The following POFUT3 variants were observed in gnomAD, a reference collection of about 807,000 sequenced individuals.
POFUT3 encodes the protein protein O-fucosyltransferase 3, also known as GDP-fucose protein O-fucosyltransferase 3.
At chr8:33,312,002 C>T in the POFUT3 span, among the ~76,000 whole-genome samples, 1 of 152,146 alleles carries the variant, frequency 6.6e-6, no homozygotes, top group Admixed American at 6.6e-5. Flanking sequence ...CATGGTCACA[C>T]TCGTAATCCT....
the POFUT3 span, among the ~76,000 whole-genome samples, chr8:33,434,073 C>T: frequency 3.7e-4 from 56 of 151,942 alleles, 1 homozygote; most frequent in South Asian, 0.01. Flanking sequence ...ACCAGCCTGG[C>T]CAACATGGTG....
chr8:33,308,876 G>C, the POFUT3 span, among the ~76,000 whole-genome samples: 3 of 150,626 alleles, frequency 2.0e-5, no homozygotes, highest in Non-Finnish European at 4.5e-5. Flanking sequence ...CTGGAGCCCA[G>C]GCTGTTGCTT....
chr8:33,342,781 G>A, the POFUT3 span, among the ~76,000 whole-genome samples: 1 of 152,110 alleles, frequency 6.6e-6, no homozygotes, highest in Non-Finnish European at 1.5e-5. Flanking sequence ...GTTACCGTAT[G>A]ACTCAGCAAT....
chr8:33,350,716 A>T, the POFUT3 span, among the ~76,000 whole-genome samples: 1 of 152,260 alleles, frequency 6.6e-6, no homozygotes, highest in African/African-American at 2.4e-5. Flanking sequence ...GATCATATAT[A>T]TATTTGCATC....
chr8:33,428,078 C>T, the POFUT3 span, among the ~76,000 whole-genome samples: 1 of 152,178 alleles, frequency 6.6e-6, no homozygotes, highest in South Asian at 2.1e-4. Context: ...GAGCCAAGAT[C>T]GCAACAGTGC....
chr8:33,388,878 G>A, the POFUT3 span: 1 of 1,044,566 alleles, frequency 9.6e-7, no homozygotes, highest in Non-Finnish European at 1.5e-6. Context: ...CTGATGAGGT[G>A]GCAACAACAG....
At chr8:33,462,503 A>G in the POFUT3 span, among the ~76,000 whole-genome samples, 1 of 152,212 alleles carries the variant, frequency 6.6e-6, no homozygotes, top group African/African-American at 2.4e-5. Context: ...GGAATTCTGA[A>G]TATGATTTAT....
the POFUT3 span, chr8:33,372,759 A>C: frequency 6.2e-7 from 1 of 1,614,086 alleles, no homozygotes; most frequent in East Asian, 2.2e-5. Flanking sequence ...GGCTCTGGGC[A>C]ACTCAGGTGG....
chr8:33,439,043 C>T, the POFUT3 span, among the ~76,000 whole-genome samples: 1 of 152,202 alleles, frequency 6.6e-6, no homozygotes. Flanking sequence ...CATCTCAAAG[C>T]TACCACTTCC....
At chr8:33,398,877 G>C in the POFUT3 span, among the ~76,000 whole-genome samples, 1 of 152,100 alleles carries the variant, frequency 6.6e-6, no homozygotes, top group East Asian at 1.9e-4. Context: ...AGGGCTATGG[G>C]CCTTCTTATG....
At chr8:33,308,877 G>C in the POFUT3 span, among the ~76,000 whole-genome samples, 1 of 150,552 alleles carries the variant, frequency 6.6e-6, no homozygotes, top group African/African-American at 2.4e-5. Flanking sequence ...TGGAGCCCAG[G>C]CTGTTGCTTC....
At chr8:33,462,169 GACC>G in the POFUT3 span, among the ~76,000 whole-genome samples, 1 of 6,052 alleles carries the variant, frequency 1.7e-4, no homozygotes, top group Admixed American at 2.4e-3. Context: ...AAGGGGAAGG[GACC>G]AGAGTGGTGA....
chr8:33,431,504 A>G, the POFUT3 span, among the ~76,000 whole-genome samples: 22 of 128,810 alleles, frequency 1.7e-4, no homozygotes, highest in Admixed American at 2.1e-3. Flanking sequence ...GCTGAGACTG[A>G]GCCCCTGGAC....
At chr8:33,342,388 G>A in the POFUT3 span, among the ~76,000 whole-genome samples, 4 of 150,982 alleles carry the variant, frequency 2.6e-5, no homozygotes, top group Admixed American at 2.0e-4. Context: ...CAAATCTGTA[G>A]CAAGACTGAC....
chr8:33,337,268 T>A, the POFUT3 span, among the ~76,000 whole-genome samples: 1 of 152,224 alleles, frequency 6.6e-6, no homozygotes, highest in Non-Finnish European at 1.5e-5. Flanking sequence ...AATCATCTAA[T>A]CTAGTCCTCA....
At chr8:33,436,624 C>T in the POFUT3 span, 1 of 887,814 alleles carries the variant, frequency 1.1e-6, no homozygotes, top group Non-Finnish European at 1.9e-6. Context: ...CAGCACCTTC[C>T]CATACTGCTA....
chr8:33,336,796 T>C, the POFUT3 span, among the ~76,000 whole-genome samples: 4 of 151,640 alleles, frequency 2.6e-5, no homozygotes, highest in Admixed American at 2.0e-4. Context: ...TGCCCAAGAG[T>C]AGACATTAGC....
the POFUT3 span, among the ~76,000 whole-genome samples, chr8:33,351,327 C>T: frequency 9.6e-4 from 146 of 152,180 alleles, 1 homozygote; most frequent in African/African-American, 3.4e-3. Flanking sequence ...TCCCTCCAAA[C>T]CTTATGTTGA....
the POFUT3 span, chr8:33,461,688 C>T: frequency 6.9e-7 from 1 of 1,458,192 alleles, no homozygotes; most frequent in South Asian, 1.3e-5. Flanking sequence ...ATCAGAGCAG[C>T]TGGAGATTTC....
Sources: gnomAD v4.1 joint callset for allele counts (sites outside exome capture counted in the v4.1 genomes callset) on GRCh38, gnomAD v4.1.1 for gene constraint, MANE v1.5 for transcripts, NCBI Gene and HGNC (gene_info 2026-07-23, HGNC 2026-07-21) for gene names.